The following ENTREP3 variants were observed in gnomAD, a reference collection of about 807,000 sequenced individuals.
The protein encoded by ENTREP3 is endosomal transmembrane epsin interactor 3.
the ENTREP3 span, chr1:155,247,418 C>T: frequency 1.9e-6 from 1 of 536,136 alleles, no homozygotes; most frequent in Non-Finnish European, 3.6e-6. Context: ...TGCATAGGCA[C>T]ACGTCACCCT....
the ENTREP3 span, chr1:155,251,881 C>A: frequency 6.8e-7 from 1 of 1,467,992 alleles, no homozygotes; most frequent in South Asian, 1.5e-5. Context: ...CCCAGTGGGC[C>A]TGAGACTGAC....
chr1:155,253,937 G>A, the ENTREP3 span: 5 of 1,612,980 alleles, frequency 3.1e-6, no homozygotes, highest in South Asian at 1.1e-5. Context: ...GACAGGGCCG[G>A]AGGAGGGGAA....
At chr1:155,255,129 A>C in the ENTREP3 span, 2 of 570,526 alleles carry the variant, frequency 3.5e-6, no homozygotes, top group East Asian at 3.0e-5. The surrounding 1 kb of genome is among the most constrained non-coding windows in gnomAD (Gnocchi z 5.6). Flanking sequence ...CGGGGCGACG[A>C]TGAGGACGCG....
chr1:155,254,827 G>T, the ENTREP3 span: 1 of 1,601,828 alleles, frequency 6.2e-7, no homozygotes. The surrounding 1 kb of genome is among the most constrained non-coding windows in gnomAD (Gnocchi z 4.4). Context: ...GGCCCCTGGT[G>T]CTGGGCCGGC....
At chr1:155,250,486 G>C in the ENTREP3 span, 1 of 1,488,838 alleles carries the variant, frequency 6.7e-7, no homozygotes, top group Admixed American at 2.2e-5. This position sits in a 1 kb window ranked among gnomAD's most constrained non-coding sequence, Gnocchi z 5.4. Flanking sequence ...GGGAAGCAGG[G>C]TCCCACCCAG....
At chr1:155,251,146 G>A in the ENTREP3 span, 2 of 1,609,972 alleles carry the variant, frequency 1.2e-6, no homozygotes, top group Non-Finnish European at 1.7e-6. Context: ...TCGTGAAGCT[G>A]AGGGTCAAAG....
the ENTREP3 span, chr1:155,252,707 TATATATATATATA>T: frequency 3.0e-4 from 16 of 54,104 alleles, no homozygotes; most frequent in Non-Finnish European, 3.1e-4. Context: ...TATATATATA[TATATATATATATA>T]TATTTTTTTT....
chr1:155,254,261 TC>T, the ENTREP3 span: 8 of 1,470,488 alleles, frequency 5.4e-6, no homozygotes, highest in Non-Finnish European at 6.7e-6. This position sits in a 1 kb window ranked among gnomAD's most constrained non-coding sequence, Gnocchi z 4.4. Context: ...ACGGACAGAG[TC>T]CCCCTCCTTC....
the ENTREP3 span, chr1:155,248,364 T>G: frequency 6.2e-7 from 1 of 1,613,908 alleles, no homozygotes; most frequent in African/African-American, 1.3e-5. Flanking sequence ...TGGGCAGCCA[T>G]GCCCAATCCC....
At chr1:155,252,690 GTATATATATATATA>G in the ENTREP3 span, 22 of 32,880 alleles carry the variant, frequency 6.7e-4, 1 homozygote, top group Middle Eastern at 0.024. Context: ...AATTTTGTGT[GTATATATATATATA>G]TATATATATA....
chr1:155,250,288 A>T, the ENTREP3 span: 2 of 1,547,080 alleles, frequency 1.3e-6, no homozygotes, highest in Non-Finnish European at 1.7e-6. The surrounding 1 kb of genome is among the most constrained non-coding windows in gnomAD (Gnocchi z 5.4). Flanking sequence ...GTGTCACTGG[A>T]GGTCGTGATG....
At chr1:155,251,272 A>C in the ENTREP3 span, 1 of 938,984 alleles carries the variant, frequency 1.1e-6, no homozygotes, top group Non-Finnish European at 1.6e-6. Flanking sequence ...CCCTTTGTAC[A>C]AGTCACTTAA....
the ENTREP3 span, chr1:155,251,562 C>G: frequency 3.4e-4 from 541 of 1,614,070 alleles, 1 homozygote; most frequent in East Asian, 8.9e-3. Flanking sequence ...CGGTAGGGTA[C>G]AAGGGCACTG....
the ENTREP3 span, chr1:155,251,555 T>G: frequency 1.2e-6 from 2 of 1,613,974 alleles, no homozygotes; most frequent in South Asian, 2.2e-5. Context: ...GGGCAATCGG[T>G]AGGGTACAAG....
the ENTREP3 span, chr1:155,254,005 G>C: frequency 1.9e-6 from 3 of 1,612,556 alleles, no homozygotes; most frequent in Non-Finnish European, 2.5e-6. The surrounding 1 kb of genome is among the most constrained non-coding windows in gnomAD (Gnocchi z 4.4). Flanking sequence ...GGGTGAGGCA[G>C]CCTGAGTCAG....
At chr1:155,249,395 GTACTATTAT>G in the ENTREP3 span, among the ~76,000 whole-genome samples, 1 of 152,064 alleles carries the variant, frequency 6.6e-6, no homozygotes, top group Non-Finnish European at 1.5e-5. Context: ...CCGGCCTGAA[GTACTATTAT>G]TATACATGTT....
chr1:155,249,818 G>A, the ENTREP3 span, among the ~76,000 whole-genome samples: 1 of 151,680 alleles, frequency 6.6e-6, no homozygotes, highest in African/African-American at 2.4e-5. Flanking sequence ...CCCGGGAGGC[G>A]GAGCTTGCAG....
the ENTREP3 span, chr1:155,253,660 A>G: frequency 6.2e-7 from 1 of 1,613,956 alleles, no homozygotes; most frequent in Non-Finnish European, 8.5e-7. Flanking sequence ...ATTTGGATGC[A>G]GCAGACAATA....
At chr1:155,252,718 A>ATT in the ENTREP3 span, 175 of 42,592 alleles carry the variant, frequency 4.1e-3, 2 homozygotes, top group African/African-American at 7.1e-3. Context: ...ATATATATAT[A>ATT]TATATTTTTT....
Sources: gnomAD v4.1 joint callset for allele counts (sites outside exome capture counted in the v4.1 genomes callset) on GRCh38, gnomAD v4.1.1 for gene constraint, Gnocchi (gnomAD v3.1) non-coding constraint, MANE v1.5 for transcripts, NCBI Gene and HGNC (gene_info 2026-07-23, HGNC 2026-07-21) for gene names.